The following STAG1 variants were observed in gnomAD, a reference collection of about 807,000 sequenced individuals.
STAG1 encodes STAG1 cohesin complex component.
A neutral mutation model predicts 170.9 loss-of-function variants in STAG1; 26 were observed. The ratio of observed to expected loss-of-function variants is 0.15; its 90% CI spans 0.11 to 0.21. The LOEUF (loss-of-function observed/expected upper bound fraction) is 0.21. Ranked by LOEUF, STAG1 falls within the 10% of genes least tolerant of loss-of-function variation. The pLI is 1.00. For missense variants in STAG1, 964 were observed against 1,509.5 expected (o/e 0.64, Z 5.99); for synonymous variants, 514 against 497.7 (o/e 1.03, Z -0.44).
chr3:136,579,102 C>T (rs570874889), intron 4 of STAG1, among the ~76,000 whole-genome samples: 1 of 152,272 alleles, frequency 6.6e-6, no homozygotes, highest in South Asian at 2.1e-4. Flanking sequence ...TTAGAGGGAT[C>T]TTGAAGAATG....
intron 9 of STAG1, among the ~76,000 whole-genome samples, chr3:136,497,211 G>C (rs1395729186): frequency 6.6e-6 from 1 of 151,610 alleles, no homozygotes; most frequent in Non-Finnish European, 1.5e-5. Context: ...TTAAAGAAGA[G>C]AGAATACACT....
chr3:136,447,584 GA>G (rs1240798756), intron 14 of STAG1, among the ~76,000 whole-genome samples: 4 of 143,018 alleles, frequency 2.8e-5, no homozygotes, highest in African/African-American at 1.0e-4. Context: ...TTATCCCTCT[GA>G]AAAGCATCAC....
chr3:136,662,141 C>T (rs1941603663), intron 1 of STAG1, among the ~76,000 whole-genome samples: 1 of 150,682 alleles, frequency 6.6e-6, no homozygotes, highest in East Asian at 2.0e-4. Context: ...TAAAGCAAAA[C>T]ACAGTTAGAC....
chr3:136,610,552 G>A (rs150680177), intron 3 of STAG1, among the ~76,000 whole-genome samples: 1 of 152,264 alleles, frequency 6.6e-6, no homozygotes, highest in Non-Finnish European at 1.5e-5. Context: ...TTATCAACAT[G>A]TGAAGATACT....
intron 5 of STAG1, among the ~76,000 whole-genome samples, chr3:136,557,840 A>G (rs566222670): frequency 1.3e-5 from 2 of 152,326 alleles, no homozygotes; most frequent in East Asian, 1.9e-4. Flanking sequence ...GGCCTGGTCA[A>G]TAATTTCTTA....
intron 16 of STAG1, among the ~76,000 whole-genome samples, chr3:136,431,733 T>C (rs1242303163): frequency 6.6e-6 from 1 of 152,230 alleles, no homozygotes; most frequent in African/African-American, 2.4e-5. Flanking sequence ...TTTCACTGAA[T>C]ATGTCATTCC....
chr3:136,463,879 A>T (rs1402666111), intron 13 of STAG1, among the ~76,000 whole-genome samples: 1 of 146,728 alleles, frequency 6.8e-6, no homozygotes. Context: ...ACATACATAC[A>T]TATATACTTA....
chr3:136,376,388 C>T (rs1198513148), intron 23 of STAG1, among the ~76,000 whole-genome samples: 1 of 152,106 alleles, frequency 6.6e-6, no homozygotes, highest in African/African-American at 2.4e-5. Context: ...ACCCTGACCC[C>T]CACCCTGACC....
intron 29 of STAG1, among the ~76,000 whole-genome samples, chr3:136,345,467 T>TTTTTTTTG (rs1936183912): frequency 7.0e-6 from 1 of 142,328 alleles, no homozygotes; most frequent in Admixed American, 7.1e-5. Context: ...TTTTTTTTTT[T>TTTTTTTTG]TTTTTTTTTT....
chr3:136,365,976 CTCTGTTTACACATTA>C (rs1937059056), intron 25 of STAG1, among the ~76,000 whole-genome samples: 2 of 151,680 alleles, frequency 1.3e-5, no homozygotes, highest in Admixed American at 6.6e-5. Context: ...ATCCATGCAA[CTCTGTTTACACATTA>C]GCTTTAGGAA....
intron 6 of STAG1, among the ~76,000 whole-genome samples, chr3:136,533,304 T>A (rs1935467174): frequency 6.6e-6 from 1 of 152,066 alleles, no homozygotes; most frequent in Admixed American, 6.6e-5. Flanking sequence ...CCCAAGAATA[T>A]TGGTAAAATG....
At chr3:136,530,561 A>C (rs537008179) in intron 6 of STAG1, among the ~76,000 whole-genome samples, 4 of 152,306 alleles carry the variant, frequency 2.6e-5, no homozygotes, top group Admixed American at 2.6e-4. Context: ...AAATCATATG[A>C]AATATCTTCT....
intron 5 of STAG1, among the ~76,000 whole-genome samples, chr3:136,562,750 G>C (rs1936897023): frequency 6.6e-6 from 1 of 151,892 alleles, no homozygotes; most frequent in Admixed American, 6.6e-5. Context: ...ACCATGCCCA[G>C]CTAATTTTTG....
At chr3:136,355,738 G>A (rs375914792) in intron 28 of STAG1, among the ~76,000 whole-genome samples, 3 of 152,068 alleles carry the variant, frequency 2.0e-5, no homozygotes, top group Non-Finnish European at 4.4e-5. Flanking sequence ...CATGATCTCT[G>A]ACCACAATGA....
At position 136,508,469 on chromosome 3, in the gene STAG1, C is replaced by T. The variant is rs139982104; in HGVS notation, c.677-5690G>A. ...TTGTGAGGCAGAGGTGAAAGGATGA[C>T]TTGAGGTCAGGAGTTCAAGACCAGC... On this transcript the variant is annotated intron_variant, in intron 7 of 33. Transcript: ENST00000383202. 2.0e-3 allele frequency among the ~76,000 whole-genome samples: 307 copies of T among 152,270 alleles called. 8 individuals carry two copies. In the East Asian group the frequency reaches 0.049, roughly 24 times the overall value.
chr3:136,639,755 T>C (rs1003356678), intron 1 of STAG1, among the ~76,000 whole-genome samples: 4 of 152,174 alleles, frequency 2.6e-5, no homozygotes, highest in African/African-American at 4.8e-5. Context: ...TAAACAAACA[T>C]TGGCACTACC....
At chr3:136,439,931 G>A (rs568959438) in intron 15 of STAG1, among the ~76,000 whole-genome samples, 3 of 152,074 alleles carry the variant, frequency 2.0e-5, no homozygotes, top group South Asian at 4.2e-4. Context: ...CCTTCTGACC[G>A]GAAGTTTAAA....
intron 22 of STAG1, among the ~76,000 whole-genome samples, chr3:136,388,701 C>T (rs1174355735): frequency 2.0e-5 from 3 of 151,994 alleles, no homozygotes; most frequent in African/African-American, 7.2e-5. Flanking sequence ...GTGTAAGCAA[C>T]AAGAAGTCAT....
intron 16 of STAG1, among the ~76,000 whole-genome samples, chr3:136,428,548 T>G (rs1337645075): frequency 6.6e-6 from 1 of 152,116 alleles, no homozygotes; most frequent in Non-Finnish European, 1.5e-5. Flanking sequence ...CCCTTAAAGG[T>G]CATTAAACAT....
Sources: allele counts gnomAD v4.1 joint callset (sites outside exome capture counted in the v4.1 genomes callset), GRCh38; gene constraint gnomAD v4.1.1; transcripts MANE v1.5; gene names NCBI Gene and HGNC (gene_info 2026-07-23, HGNC 2026-07-21).